NPAS3: variants seen among roughly 807,000 people sequenced by gnomAD.
NPAS3 encodes neuronal PAS domain-containing protein 3.
Under a neutral mutation model 73.1 loss-of-function variants are expected in NPAS3, and 14 were observed. The ratio of observed to expected loss-of-function variants is 0.19; its 90% confidence interval spans 0.13 to 0.30. NPAS3 has a LOEUF of 0.30. Ranked by LOEUF, NPAS3 falls within the 10% of genes least tolerant of loss-of-function variation. The pLI is 1.00. For synonymous variants in NPAS3, 620 were observed against 541.5 expected (o/e 1.14, Z -2.01); for missense variants, 1,096 against 1,250.0 (o/e 0.88, Z 1.86).
rs1011239269 is a variant in NPAS3, at chr14:33,276,509, T to TA, written c.385+61089dup. Among the ~76,000 whole-genome samples, 19 of 152,228 alleles carry TA rather than the reference T, an allele frequency of 1.2e-4. No homozygotes were observed. The South Asian group carries it at 2.7e-3, about 22-fold the overall frequency. Reference sequence around the variant, plus strand: ...CCCAGTTTTAATGAAGTAATTTTTTTAAAAAACTCATGAATTTCAAAGCCA... The same window carrying TA: ...CCCAGTTTTAATGAAGTAATTTTTTTAAAAAAACTCATGAATTTCAAAGCCA... On this transcript the variant is annotated intron_variant, in intron 3 of 11. Transcript: ENST00000356141.
chr14:33,560,399 G>C, intron 5 of NPAS3, 189 bp downstream of exon 5: 1 of 452,548 alleles, frequency 2.2e-6, no homozygotes. Context: ...GAATAAACTT[G>C]TGCTCAAAAA....
At chr14:33,764,154 C>G (rs2062385296) in intron 7 of NPAS3, among the ~76,000 whole-genome samples, 2 of 152,160 alleles carry the variant, frequency 1.3e-5, no homozygotes, top group African/African-American at 4.8e-5. Context: ...AATGGGGGCA[C>G]TGGGGAGGCT....
At chr14:33,493,583 C>T (rs143388622) in intron 4 of NPAS3, among the ~76,000 whole-genome samples, 5 of 152,172 alleles carry the variant, frequency 3.3e-5, no homozygotes, top group African/African-American at 7.2e-5. Context: ...TACCTCAGCC[C>T]GCTGTGAGAG....
At chr14:32,935,541 T>G (rs2035669742), upstream of NPAS3, among the ~76,000 whole-genome samples, 1 of 152,240 alleles carries the variant, frequency 6.6e-6, no homozygotes, top group East Asian at 1.9e-4. Flanking sequence ...TCCGAGTCTC[T>G]TCGGCGCTGT....
At chr14:33,501,999 T>G (rs2052540626) in intron 4 of NPAS3, among the ~76,000 whole-genome samples, 1 of 151,922 alleles carries the variant, frequency 6.6e-6, no homozygotes, top group African/African-American at 2.4e-5. Context: ...TTTCATCTAA[T>G]TCATCCAATT....
Position 33,784,741 on chromosome 14 carries a change from A to ATTT in NPAS3, c.1153+6170_1153+6172dup, listed in dbSNP as rs1325282410. Among the ~76,000 whole-genome samples, 143 of 72,742 alleles carry ATTT rather than the reference A, an allele frequency of 2.0e-3. 3 individuals carry two copies. The highest frequency in any genetic ancestry group is 2.6e-3 in the East Asian group (6 of 2,340). 47.7% of individuals were successfully genotyped at this position (72,742 alleles called of 152,430 possible). On this transcript the variant is annotated intron_variant, in intron 9 of 11. Coordinates refer to ENST00000356141, the Ensembl canonical transcript of NPAS3. ...GTTATTTTTATTTATTTATTTATTT[A>ATTT]TTTATTTTTTTTTTTTTTTTTTTTT...
intron 4 of NPAS3, among the ~76,000 whole-genome samples, chr14:33,541,699 G>T (rs542004260): frequency 6.6e-6 from 1 of 152,338 alleles, no homozygotes; most frequent in East Asian, 1.9e-4. Context: ...TTCCTGGAAT[G>T]AAAGGGCTAT....
chr14:33,468,882 G>A (rs2139582147), intron 4 of NPAS3, among the ~76,000 whole-genome samples: 1 of 152,264 alleles, frequency 6.6e-6, no homozygotes, highest in East Asian at 1.9e-4. Context: ...ATGCATTCTA[G>A]TAAAACTTCA....
chr14:33,360,635 C>G (rs929374422), intron 3 of NPAS3, among the ~76,000 whole-genome samples: 15 of 152,082 alleles, frequency 9.9e-5, no homozygotes, highest in African/African-American at 3.4e-4. Flanking sequence ...GTCCCACCCC[C>G]CAAAAAAGTA....
At chr14:33,260,630 A>G (rs918260417) in intron 3 of NPAS3, among the ~76,000 whole-genome samples, 9 of 152,094 alleles carry the variant, frequency 5.9e-5, no homozygotes, top group Non-Finnish European at 1.2e-4. Flanking sequence ...TGGTATTTTT[A>G]TCTACACTAT....
chr14:33,774,601 G>A (rs1260228967), intron 8 of NPAS3, 71 bp downstream of exon 8: 4 of 1,257,962 alleles, frequency 3.2e-6, no homozygotes, highest in Non-Finnish European at 4.6e-6. Flanking sequence ...TCAGCCGTCT[G>A]AAGGATGGTA....
rs141695222 is a variant in NPAS3, at chr14:32,951,330, C to T, written c.50+11964C>T. Among the ~76,000 whole-genome samples the T allele has an allele frequency of 3.7e-4, 57 of 152,074 alleles. 1 individual carries two copies. The highest frequency in any genetic ancestry group is 1.3e-3 in the African/African-American group (54 of 41,506). ...GTTTTTCCAATGGCATTAACATTTA[C>T]AAATATTCCATATTTATAAAATGAT... is the stretch of plus-strand genomic sequence containing the variant. On this transcript the variant is annotated intron_variant, in intron 1 of 11. Coordinates refer to ENST00000356141, the Ensembl canonical transcript of NPAS3.
At chr14:33,778,323 A>G (rs1329266297) in intron 8 of NPAS3, 143 bp from the exon 9 acceptor site, 2 of 580,954 alleles carry the variant, frequency 3.4e-6, no homozygotes, top group African/African-American at 3.7e-5. Context: ...AATCTTATGT[A>G]TAAAGGGTTT....
chr14:33,524,372 T>G (rs1566971612), intron 4 of NPAS3, among the ~76,000 whole-genome samples: 1 of 152,154 alleles, frequency 6.6e-6, no homozygotes. Flanking sequence ...AAAAAGTCCC[T>G]CTCTATAGCA....
intron 2 of NPAS3, among the ~76,000 whole-genome samples, chr14:33,084,320 T>C (rs17100081): frequency 0.23 from 35,199 of 152,090 alleles, 4,200 homozygotes; most frequent in South Asian, 0.37. Flanking sequence ...TGGGTCTGCA[T>C]TAAATACAGA....
chr14:32,962,634 C>T (rs1243967002), intron 1 of NPAS3, among the ~76,000 whole-genome samples: 2 of 131,200 alleles, frequency 1.5e-5, no homozygotes, highest in African/African-American at 3.0e-5. Context: ...TGCAGTGGTG[C>T]GATCTTGGCT....
At chr14:33,525,835 G>A (rs1165153964) in intron 4 of NPAS3, among the ~76,000 whole-genome samples, 1 of 152,064 alleles carries the variant, frequency 6.6e-6, no homozygotes, top group Non-Finnish European at 1.5e-5. Flanking sequence ...ATCAGGAACC[G>A]GGAAACGTCT....
chr14:33,528,921 C>T (rs1169243243), intron 4 of NPAS3, among the ~76,000 whole-genome samples: 1 of 152,104 alleles, frequency 6.6e-6, no homozygotes, highest in African/African-American at 2.4e-5. Context: ...AGGACCTGAG[C>T]AACTCAATAA....
chr14:33,326,152 G>T (rs1224250129), intron 3 of NPAS3, among the ~76,000 whole-genome samples: 2 of 152,108 alleles, frequency 1.3e-5, no homozygotes, highest in African/African-American at 2.4e-5. Context: ...TGTATGAATG[G>T]GAAGAGAGAG....
Sources: gnomAD v4.1 joint callset for allele counts (sites outside exome capture counted in the v4.1 genomes callset) on GRCh38, gnomAD v4.1.1 for gene constraint, MANE v1.5 for transcripts, NCBI Gene and HGNC (gene_info 2026-07-23, HGNC 2026-07-21) for gene names.